PDE10A: variants seen among roughly 807,000 people sequenced by gnomAD.
PDE10A encodes the protein cAMP and cAMP-inhibited cGMP 3',5'-cyclic phosphodiesterase 10A.
In PDE10A, 39 loss-of-function variants were observed where a neutral mutation model predicts 97.7. The observed-to-expected ratio is 0.40, with a 90% CI of 0.31 to 0.52. The LOEUF is 0.52. Ranked by LOEUF, PDE10A falls within the 20% of genes least tolerant of loss-of-function variation. The pLI, the probability that PDE10A is intolerant of heterozygous loss-of-function variation, is 0.56. For missense variants in PDE10A, 731 were observed against 1,047.8 expected, an observed-to-expected ratio of 0.70 and a Z score of 4.17; for synonymous variants, 371 against 376.8, an observed-to-expected ratio of 0.98 and a Z score of 0.18.
chr6:165,713,690 C>T (rs1791958781), intron 1 of PDE10A, among the ~76,000 whole-genome samples: 1 of 152,280 alleles, frequency 6.6e-6, no homozygotes, highest in South Asian at 2.1e-4. Flanking sequence ...TCCTCTCTAT[C>T]AGGAGAGAAA....
chr6:165,758,154 C>A (rs993629911), intron 1 of PDE10A, among the ~76,000 whole-genome samples: 13 of 152,158 alleles, frequency 8.5e-5, no homozygotes, highest in African/African-American at 3.1e-4. Flanking sequence ...TTTAGGTTTT[C>A]CTGACTTGAT....
chr6:165,678,926 C>T (rs962350616), intron 1 of PDE10A, among the ~76,000 whole-genome samples: 5 of 152,146 alleles, frequency 3.3e-5, no homozygotes, highest in Admixed American at 6.5e-5. Flanking sequence ...CAGACTCTTC[C>T]GATTCGTGTA....
chr6:165,884,167 T>C (rs762242477), intron 1 of PDE10A, among the ~76,000 whole-genome samples: 5 of 152,152 alleles, frequency 3.3e-5, no homozygotes, highest in Non-Finnish European at 7.4e-5. Context: ...GAAGAGCCAC[T>C]GTCTCAAGAA....
At chr6:165,835,209 G>A (rs530811739) in intron 1 of PDE10A, among the ~76,000 whole-genome samples, 1 of 152,326 alleles carries the variant, frequency 6.6e-6, no homozygotes, top group South Asian at 2.1e-4. Flanking sequence ...CCAGAGACCT[G>A]CAATTTATGA....
At chr6:165,354,850 C>G (rs1782924991) in intron 18 of PDE10A, among the ~76,000 whole-genome samples, 1 of 152,166 alleles carries the variant, frequency 6.6e-6, no homozygotes, top group Admixed American at 6.5e-5. Flanking sequence ...TTCCAGTGAC[C>G]AAATTCTACA....
chr6:165,412,695 G>A (rs761139082), intron 13 of PDE10A, among the ~76,000 whole-genome samples: 6 of 151,984 alleles, frequency 3.9e-5, no homozygotes, highest in South Asian at 2.1e-4. Context: ...GTATGTCTCC[G>A]CTTGTCCTAT....
At chr6:165,387,590 C>T (rs1184454714) in intron 17 of PDE10A, among the ~76,000 whole-genome samples, 1 of 152,228 alleles carries the variant, frequency 6.6e-6, no homozygotes, top group Non-Finnish European at 1.5e-5. Context: ...AAACTCAAAA[C>T]CTTTTCCCTT....
intron 2 of PDE10A, among the ~76,000 whole-genome samples, chr6:165,521,171 G>A (rs967982961): frequency 2.0e-5 from 3 of 152,012 alleles, no homozygotes; most frequent in African/African-American, 7.3e-5. Context: ...TCATTGTTTG[G>A]AGAGCTACAA....
At chr6:165,705,560 A>G (rs1327003797) in intron 1 of PDE10A, among the ~76,000 whole-genome samples, 1 of 152,238 alleles carries the variant, frequency 6.6e-6, no homozygotes, top group South Asian at 2.1e-4. Context: ...TGAATTCAAA[A>G]TGTTATTCAA....
intron 1 of PDE10A, among the ~76,000 whole-genome samples, chr6:165,826,356 G>GTCCCTCTGTCCGTGCA (rs1779747363): frequency 7.6e-6 from 1 of 132,082 alleles, no homozygotes; most frequent in Non-Finnish European, 1.8e-5. Flanking sequence ...GTGTCCCCGT[G>GTCCCTCTGTCCGTGCA]TCCCTCTGTC....
intron 1 of PDE10A, among the ~76,000 whole-genome samples, chr6:165,814,990 G>A (rs1196800643): frequency 2.6e-5 from 4 of 152,064 alleles, no homozygotes; most frequent in Non-Finnish European, 4.4e-5. Context: ...GACTCTCTAC[G>A]TGCATTTATG....
intron 1 of PDE10A, among the ~76,000 whole-genome samples, chr6:165,968,287 G>A (rs1167195011): frequency 6.6e-6 from 1 of 152,198 alleles, no homozygotes; most frequent in Non-Finnish European, 1.5e-5. Flanking sequence ...TGAAACCATC[G>A]CAGGTCATTG....
rs57229720 is a variant in PDE10A at position 165,425,770 on chromosome 6, CGTGT to C, written c.1653+2884_1653+2887del. 1.8e-3 allele frequency among the ~76,000 whole-genome samples: 264 copies of C among 144,130 alleles called. 3 individuals carry two copies. Among genetic ancestry groups the C allele is most frequent in the Non-Finnish European group, 9.2e-4 (61 of 66,134 alleles). The allele number at this position is 144,130 out of a possible 152,430, so 94.6% of individuals were successfully genotyped here. ...TGTCTCTAATTATAGAAGGCATGAT[CGTGT>C]GTGTGTGTGTGTGTGTGTGTGTGTG... On this transcript the variant is annotated intron_variant, in intron 10 of 21. Transcript: ENST00000539869.
At chr6:165,621,444 G>A (rs768375242) in intron 1 of PDE10A, among the ~76,000 whole-genome samples, 3 of 152,096 alleles carry the variant, frequency 2.0e-5, no homozygotes, top group Non-Finnish European at 2.9e-5. Context: ...GGCTGCATAC[G>A]ATTGAAACTG....
rs528466624 is a variant in PDE10A at position 165,902,195 on chromosome 6, G to A, written c.-615+85334C>T. Among the ~76,000 whole-genome samples the A allele has an allele frequency of 4.6e-5, 7 of 152,322 alleles. No individual in the cohort carries two copies. The East Asian group carries it at 1.3e-3, about 29-fold the overall frequency. On this transcript the variant is annotated intron_variant, in intron 1 of 19. Coordinates refer to the PDE10A transcript ENST00000366882. ...ATGGTCTTCTCGGAATCTTTGTTCA[G>A]AAAAGCCCACCCCATATTGACTGAC... is the stretch of plus-strand genomic sequence containing the variant.
chr6:165,770,560 C>T (rs1471514901), intron 1 of PDE10A, among the ~76,000 whole-genome samples: 4 of 152,176 alleles, frequency 2.6e-5, no homozygotes, highest in Non-Finnish European at 2.9e-5. Context: ...TGACATTCCA[C>T]CCCAGAAGCA....
intron 1 of PDE10A, among the ~76,000 whole-genome samples, chr6:165,627,686 C>T (rs945329015): frequency 9.9e-5 from 15 of 152,282 alleles, no homozygotes; most frequent in African/African-American, 2.9e-4. Context: ...AGTTTACAAA[C>T]GGCAGGGATT....
chr6:165,577,079 C>T (rs557461563), intron 1 of PDE10A, among the ~76,000 whole-genome samples: 2 of 152,308 alleles, frequency 1.3e-5, no homozygotes, highest in South Asian at 2.1e-4. Flanking sequence ...GAAGCAGATC[C>T]AAAGGGTGTG....
intron 2 of PDE10A, among the ~76,000 whole-genome samples, chr6:165,497,912 C>T (rs1458403260): frequency 6.6e-6 from 1 of 152,132 alleles, no homozygotes; most frequent in Non-Finnish European, 1.5e-5. Context: ...ACTGTCTTAA[C>T]TTGGATATTC....
Sources: allele counts gnomAD v4.1 joint callset (sites outside exome capture counted in the v4.1 genomes callset), GRCh38; gene constraint gnomAD v4.1.1; transcripts MANE v1.5; gene names NCBI Gene and HGNC (gene_info 2026-07-23, HGNC 2026-07-21).